The following TBC1D20 variants were observed in gnomAD, a reference collection of about 807,000 sequenced individuals.
TBC1D20 encodes chromosome 20 open reading frame 140.
A neutral mutation model predicts 41.6 loss-of-function variants in TBC1D20; 12 were observed. That is an observed-to-expected ratio of 0.29 (90% confidence interval 0.18 to 0.47). TBC1D20 has a LOEUF of 0.47. TBC1D20 is among the 20% of genes least tolerant of loss of function. The pLI is 1.00. For missense variants in TBC1D20, 421 were observed against 517.4 expected (o/e 0.81, Z 1.81); for synonymous variants, 205 against 204.8 (o/e 1.00, Z -0.01).
rs533297803 is a variant in TBC1D20, at chr20:435,504, C to T, written c.*3082G>A. On this transcript the variant is annotated 3_prime_UTR_variant, in exon 8 of 8. Transcript: ENST00000354200. ...CTTATGTTTACCAGTTTATTACAAA[C>T]ATTATTAGAAAAGGATACAAATAAG... 1 of 153,726 alleles carries T rather than the reference C, an allele frequency of 6.5e-6. No homozygotes were observed. Among genetic ancestry groups the T allele is most frequent in the South Asian group, 2.1e-4 (1 of 4,830 alleles). The allele number at this position is 153,726 out of a possible 1,614,324, so 9.5% of individuals were successfully genotyped here.
In TBC1D20 at chr20:441,824, T is replaced by C. The variant is rs753063477; in HGVS notation, c.524+33A>G. ...TATCCCCAGGACGGCTGAGGAGTGA[T>C]GCCCGTCGTCTTGTGTTCCTCTCTA... On this transcript the variant is annotated intron_variant, in intron 4 of 7. Transcript: ENST00000354200. The C allele has an allele frequency of 2.5e-6, 4 of 1,605,510 alleles. No homozygotes were observed. In the South Asian group the frequency reaches 3.3e-5, roughly 13 times the overall value.
intron 1 of TBC1D20, among the ~76,000 whole-genome samples, chr20:451,199 G>C (rs2017435656): frequency 6.6e-6 from 1 of 152,202 alleles, no homozygotes; most frequent in Non-Finnish European, 1.5e-5. Flanking sequence ...CTCTTGACAT[G>C]CTTAATTGTG....
rs1438082776 is a variant in TBC1D20, at chr20:441,821, T to C, written c.524+36A>G. ...AGTTATCCCCAGGACGGCTGAGGAGTGATGCCCGTCGTCTTGTGTTCCTCT... is the reference window on the plus strand; with the variant it reads ...AGTTATCCCCAGGACGGCTGAGGAGCGATGCCCGTCGTCTTGTGTTCCTCT... On this transcript the variant is annotated intron_variant, in intron 4 of 7. Coordinates refer to ENST00000354200, the MANE Select transcript of TBC1D20 (RefSeq NM_144628.4). 5 of 1,602,990 alleles carry C rather than the reference T, an allele frequency of 3.1e-6. No homozygotes were observed. The East Asian group carries it at 8.9e-5, about 29-fold the overall frequency.
chr20:447,121 G>A (rs1404748941), intron 2 of TBC1D20, among the ~76,000 whole-genome samples: 1 of 138,950 alleles, frequency 7.2e-6, no homozygotes, highest in African/African-American at 2.8e-5. Flanking sequence ...GCTAATGTTC[G>A]TATTTTTTTT....
chr20:439,270 A>G lies in TBC1D20; in HGVS notation c.794T>C (p.Val265Ala). Residue 265 changes from valine (V) to alanine (A), a missense_variant, in exon 7 of 8, where the codon GTC (valine) becomes GCC (alanine). Transcript: ENST00000354200. The surrounding 1 kb of genome is among the most constrained non-coding windows in gnomAD (Gnocchi z 4.6). ...GGCCATGTCACAGTCACAGTCCAGG[A>G]CTTCCTGCTCGCGATACAACACAAT... is the stretch of plus-strand genomic sequence containing the variant. ...AVIVLYREQE[V>A]LDCDCDMASV... is the part of the protein sequence containing the mutation. The G allele has an allele frequency of 6.2e-7, 1 of 1,611,958 alleles. No homozygotes were observed. The highest frequency in any genetic ancestry group is 8.5e-7 in the Non-Finnish European group (1 of 1,179,186).
rs1469898998 is a variant in TBC1D20, at chr20:462,253, C to G, written c.70+83G>C. On this transcript the variant is annotated intron_variant, in intron 1 of 7. Coordinates refer to ENST00000354200, the MANE Select transcript of TBC1D20 (RefSeq NM_144628.4). ...AGCCCCGGGTCCCCAGCCCGCGCCC[C>G]TCCGGCGCCGCCTCCGCCAGCTGCC... is the stretch of plus-strand genomic sequence containing the variant. The G allele has an allele frequency of 2.1e-4, 216 of 1,033,092 alleles. 3 individuals carry two copies. The highest frequency in any genetic ancestry group is 4.8e-5 in the Non-Finnish European group (40 of 827,788). The allele number at this position is 1,033,092 out of a possible 1,614,324, so 64.0% of individuals were successfully genotyped here.
Position 438,506 on chromosome 20 carries a change from A to G in TBC1D20, c.*80T>C, listed in dbSNP as rs1243476054. ...ACTCTGGACAGAAACCCTTTTAATAAAGGAAATTCCACCCCTCCCAATCCT... is the reference window on the plus strand; with the variant it reads ...ACTCTGGACAGAAACCCTTTTAATAGAGGAAATTCCACCCCTCCCAATCCT... On this transcript the variant is annotated 3_prime_UTR_variant, in exon 8 of 8. Coordinates refer to ENST00000354200, the MANE Select transcript of TBC1D20 (RefSeq NM_144628.4). 2 of 1,504,572 alleles carry G rather than the reference A, an allele frequency of 1.3e-6. No homozygotes were observed. Among genetic ancestry groups the G allele is most frequent in the Admixed American group, 2.0e-5 (1 of 49,918 alleles). 93.2% of individuals were successfully genotyped at this position (1,504,572 alleles called of 1,614,324 possible).
intron 1 of TBC1D20, among the ~76,000 whole-genome samples, chr20:455,865 G>A (rs1436819711): frequency 6.6e-6 from 1 of 152,168 alleles, no homozygotes; most frequent in Non-Finnish European, 1.5e-5. Flanking sequence ...CCAAGAGGCG[G>A]AGGTTACAGT....
intron 3 of TBC1D20, among the ~76,000 whole-genome samples, chr20:444,306 C>T (rs2017290905): frequency 6.6e-6 from 1 of 152,168 alleles, no homozygotes; most frequent in South Asian, 2.1e-4. Context: ...AGGAAAGCAG[C>T]CCCTTCAACA....
chr20:448,678 G>A (rs1436302888), intron 1 of TBC1D20, among the ~76,000 whole-genome samples: 2 of 141,896 alleles, frequency 1.4e-5, no homozygotes, highest in Non-Finnish European at 3.0e-5. Flanking sequence ...GACAGAGCGA[G>A]ACTCCGTCTT....
chr20:448,703 AAAAG>A, intron 1 of TBC1D20, among the ~76,000 whole-genome samples: 1 of 151,694 alleles, frequency 6.6e-6, no homozygotes, highest in Non-Finnish European at 1.5e-5. Context: ...AAAAAAAAAA[AAAAG>A]AGACATTGTC....
intron 1 of TBC1D20, among the ~76,000 whole-genome samples, chr20:448,745 A>G (rs1192871030): frequency 6.6e-6 from 1 of 150,718 alleles, no homozygotes; most frequent in Non-Finnish European, 1.5e-5. Context: ...CTGGCCTCAA[A>G]CTCCTAGGCA....
intron 3 of TBC1D20, among the ~76,000 whole-genome samples, chr20:443,932 TG>T (rs1449949931): frequency 5.9e-5 from 9 of 152,120 alleles, no homozygotes; most frequent in Non-Finnish European, 1.3e-4. Flanking sequence ...GAGAGCAGCC[TG>T]GCCAACATGG....
At chr20:448,650 C>T (rs1324321054) in intron 1 of TBC1D20, among the ~76,000 whole-genome samples, 2 of 148,320 alleles carry the variant, frequency 1.3e-5, no homozygotes, top group Admixed American at 6.7e-5. Flanking sequence ...GATCGTGCCA[C>T]TGCACTCCAG....
chr20:440,565 T>C, intron 5 of TBC1D20, 176 bp from the exon 6 acceptor site: 1 of 786,890 alleles, frequency 1.3e-6, no homozygotes, highest in South Asian at 2.0e-5. Context: ...CTTTAAGGTG[T>C]ACCACAACAC....
intron 1 of TBC1D20, among the ~76,000 whole-genome samples, chr20:459,707 T>C (rs748988878): frequency 1.3e-5 from 2 of 152,162 alleles, no homozygotes; most frequent in Non-Finnish European, 2.9e-5. Context: ...ACCACAGCAA[T>C]AGGTATAGCA....
At chr20:452,252 A>G (rs2017457907) in intron 1 of TBC1D20, among the ~76,000 whole-genome samples, 1 of 152,218 alleles carries the variant, frequency 6.6e-6, no homozygotes, top group Admixed American at 6.5e-5. Flanking sequence ...GGCTGGAGTG[A>G]GCCAAGATCG....
chr20:446,827 TC>T (rs2017341041), intron 2 of TBC1D20, among the ~76,000 whole-genome samples: 1 of 152,114 alleles, frequency 6.6e-6, no homozygotes, highest in African/African-American at 2.4e-5. Flanking sequence ...AGACAGGGTT[TC>T]GCAATGTTGC....
intron 1 of TBC1D20, 110 bp downstream of exon 1, chr20:462,226 G>T: frequency 1.5e-6 from 1 of 666,702 alleles, no homozygotes; most frequent in Non-Finnish European, 1.9e-6. Flanking sequence ...GAACCCCGCA[G>T]CAGCCCCGGG....
Sources: allele counts gnomAD v4.1 joint callset (sites outside exome capture counted in the v4.1 genomes callset), GRCh38; gene constraint gnomAD v4.1.1; non-coding constraint Gnocchi (gnomAD v3.1); transcripts MANE v1.5; gene names NCBI Gene and HGNC (gene_info 2026-07-23, HGNC 2026-07-21).